The following LIX1 variants were observed in gnomAD, a reference collection of about 807,000 sequenced individuals.
LIX1 encodes limb and CNS expressed 1.
In LIX1, 24 loss-of-function variants were observed where a neutral mutation model predicts 33.4. That is an observed-to-expected ratio of 0.72 (90% CI 0.52 to 1.01). LIX1 has a LOEUF of 1.01. LIX1 is among the 50% of genes least tolerant of loss of function. The pLI, the probability that LIX1 is intolerant of heterozygous loss-of-function variation, is 0.00. For missense variants in LIX1, 311 were observed against 339.2 expected, an observed-to-expected ratio of 0.92 and a Z score of 0.65; for synonymous variants, 124 against 124.0, an observed-to-expected ratio of 1.00 and a Z score of 0.00.
intron 1 of LIX1, among the ~76,000 whole-genome samples, chr5:97,139,065 C>T (rs1748229601): frequency 6.6e-6 from 1 of 152,174 alleles, no homozygotes; most frequent in Non-Finnish European, 1.5e-5. Flanking sequence ...TTCTGAGAGG[C>T]AATGTCTCAT....
intron 5 of LIX1, among the ~76,000 whole-genome samples, chr5:97,095,996 A>C (rs1051768320): frequency 6.6e-6 from 1 of 152,244 alleles, no homozygotes; most frequent in Non-Finnish European, 1.5e-5. Flanking sequence ...TAAGCAAAGA[A>C]CAACTAAAAA....
chr5:97,141,518 A>G (rs942312866), intron 1 of LIX1, among the ~76,000 whole-genome samples: 2 of 152,246 alleles, frequency 1.3e-5, no homozygotes, highest in African/African-American at 4.8e-5. Flanking sequence ...TTCAACATAC[A>G]TATGAGAAAT....
chr5:97,115,717 T>A (rs1281999911), intron 2 of LIX1, among the ~76,000 whole-genome samples: 1 of 149,976 alleles, frequency 6.7e-6, no homozygotes, highest in Non-Finnish European at 1.5e-5. Context: ...CTCCCAATGG[T>A]AGCCAAGGAG....
chr5:97,134,842 G>A (rs1748138928), intron 1 of LIX1, among the ~76,000 whole-genome samples: 2 of 152,186 alleles, frequency 1.3e-5, no homozygotes, highest in East Asian at 1.9e-4. Flanking sequence ...CAACATGTAG[G>A]AATCTCGGGG....
intron 3 of LIX1, among the ~76,000 whole-genome samples, chr5:97,105,592 C>T (rs1179719958): frequency 6.6e-6 from 1 of 152,196 alleles, no homozygotes; most frequent in African/African-American, 2.4e-5. Flanking sequence ...AAACTGCCTT[C>T]GTTGGCTATT....
intron 2 of LIX1, among the ~76,000 whole-genome samples, chr5:97,122,319 G>T: frequency 6.6e-6 from 1 of 152,188 alleles, no homozygotes; most frequent in East Asian, 1.9e-4. Context: ...TTCACAGTAC[G>T]TTTCTCCTAT....
chr5:97,131,604 A>C (rs1051918805), intron 1 of LIX1, among the ~76,000 whole-genome samples: 34 of 152,232 alleles, frequency 2.2e-4, no homozygotes, highest in African/African-American at 8.0e-4. Context: ...AACTCACAGC[A>C]GACTGGGATT....
In LIX1 at chr5:97,094,845, A is replaced by G. The variant is rs1240754849; in HGVS notation, c.752T>C (p.Ile251Thr). ...ELRFYKEKKEILSLALTQICS... is the reference protein window; with the variant it reads ...ELRFYKEKKETLSLALTQICS... ...GATCTGAGTCAGGGCTAAGCTCAAT[A>G]TTTCTTTCTTTTCTTTGTAAAACCG... Residue 251 changes from isoleucine (I) to threonine (T), a missense_variant, in exon 6 of 6, where the codon ATA (isoleucine) becomes ACA (threonine). Ile to Thr is a moderately conservative substitution (Grantham distance 89). Transcript: ENST00000274382. The G allele has an allele frequency of 1.9e-6, 3 of 1,614,070 alleles. No homozygotes were observed. In the Admixed American group the frequency reaches 5.0e-5, roughly 27 times the overall value.
rs77019437 is a variant in LIX1, at chr5:97,101,210, G to T, written c.483+3980C>A. Among the ~76,000 whole-genome samples the T allele has an allele frequency of 5.4e-3, 825 of 152,216 alleles. 13 individuals carry two copies. Among genetic ancestry groups the T allele is most frequent in the African/African-American group, 0.018 (765 of 41,524 alleles). ...ATCGTGAATTTTTGGCATGAATTTT[G>T]AGTTTAAAAAATAATGCATTATAAT... On this transcript the variant is annotated intron_variant, in intron 4 of 5. Coordinates refer to ENST00000274382, the MANE Select transcript of LIX1 (RefSeq NM_153234.5).
At chr5:97,096,317 T>C (rs1746373423) in intron 5 of LIX1, among the ~76,000 whole-genome samples, 1 of 152,048 alleles carries the variant, frequency 6.6e-6, no homozygotes. Flanking sequence ...AAAATGGGAG[T>C]GATTAAATGC....
intron 4 of LIX1, among the ~76,000 whole-genome samples, chr5:97,097,393 G>A (rs1187837990): frequency 6.6e-6 from 1 of 152,186 alleles, no homozygotes; most frequent in Non-Finnish European, 1.5e-5. Context: ...AGAATTCTAT[G>A]ATGTGTTAAA....
rs769558664 is a variant in LIX1 at position 97,124,624 on chromosome 5, C to T, written c.88G>A (p.Val30Ile). The change falls in exon 2 of 6, where the codon GTT becomes ATT. Residue 30 changes from valine (V) to isoleucine (I), a missense_variant. Physicochemically the swap from Val to Ile is conservative, Grantham distance 29 (BLOSUM62 3). Coordinates refer to ENST00000274382, the MANE Select transcript of LIX1 (RefSeq NM_153234.5). The part of the protein sequence containing the change: ...DPALVFKDLN[V>I]VSMLQEFWES... Reference sequence around the variant, plus strand: ...CAAAATTCCTGTAACATTGACACAACGTTCACTGAAAAAGACAAGAAACAC... The same window carrying T: ...CAAAATTCCTGTAACATTGACACAATGTTCACTGAAAAAGACAAGAAACAC... The T allele has an allele frequency of 2.1e-5, 33 of 1,607,808 alleles. No homozygotes were observed. The Admixed American group carries it at 3.2e-4, about 16-fold the overall frequency.
At chr5:97,099,703 G>C (rs968009935) in intron 4 of LIX1, among the ~76,000 whole-genome samples, 5 of 152,074 alleles carry the variant, frequency 3.3e-5, no homozygotes, top group African/African-American at 1.2e-4. Flanking sequence ...CAGGTGTGGT[G>C]GTGGGTACCT....
At chr5:97,121,095 T>A (rs1196865863) in intron 2 of LIX1, among the ~76,000 whole-genome samples, 2 of 152,176 alleles carry the variant, frequency 1.3e-5, no homozygotes, top group Non-Finnish European at 2.9e-5. Context: ...AGTTTGCCAG[T>A]TTTTGTCCCA....
rs1056045507 is a variant in LIX1 at position 97,137,602 on chromosome 5, G to C, written c.82+4893C>G. ...AAAATTAGCATTTGAATAGGCTTCAGTCAAACAGACATCCATAGTTTAGAT... is the reference window on the plus strand; with the variant it reads ...AAAATTAGCATTTGAATAGGCTTCACTCAAACAGACATCCATAGTTTAGAT... On this transcript the variant is annotated intron_variant, in intron 1 of 5. Transcript: ENST00000274382. Among the ~76,000 whole-genome samples the C allele has an allele frequency of 1.4e-4, 21 of 152,260 alleles. 1 individual carries two copies. In the East Asian group the frequency reaches 3.5e-3, roughly 25 times the overall value.
At chr5:97,116,564 TCTC>T (rs1273736835) in intron 2 of LIX1, among the ~76,000 whole-genome samples, 1 of 152,162 alleles carries the variant, frequency 6.6e-6, no homozygotes, top group African/African-American at 2.4e-5. Context: ...CACCTGGCCT[TCTC>T]CTCGTTTACC....
In LIX1 at chr5:97,124,625, G is replaced by C; in HGVS notation, c.87C>G (p.Asn29Lys). 2 of 1,608,182 alleles carry C rather than the reference G, an allele frequency of 1.2e-6. No homozygotes were observed. The highest frequency in any genetic ancestry group is 1.7e-6 in the Non-Finnish European group (2 of 1,177,040). ...RDPALVFKDL[N>K]VVSMLQEFWE... is the part of the protein sequence containing the mutation. ...AAAATTCCTGTAACATTGACACAAC[G>C]TTCACTGAAAAAGACAAGAAACACC... Residue 29 changes from asparagine (N) to lysine (K), a missense_variant, in exon 2 of 6, where the codon AAC (asparagine) becomes AAG (lysine). Asn to Lys is a moderately conservative substitution (Grantham distance 94). Transcript: ENST00000274382.
intron 4 of LIX1, among the ~76,000 whole-genome samples, chr5:97,100,332 C>A (rs961730546): frequency 6.6e-6 from 1 of 152,162 alleles, no homozygotes; most frequent in African/African-American, 2.4e-5. Flanking sequence ...TCTATCCCAT[C>A]ACGAAGCAGC....
chr5:97,132,024 T>G (rs1437932396), intron 1 of LIX1, among the ~76,000 whole-genome samples: 7 of 152,228 alleles, frequency 4.6e-5, no homozygotes, highest in Middle Eastern at 3.2e-3. Flanking sequence ...ACAGGGATAA[T>G]AAGTCTGTTT....
Sources: allele counts gnomAD v4.1 joint callset (sites outside exome capture counted in the v4.1 genomes callset), GRCh38; gene constraint gnomAD v4.1.1; transcripts MANE v1.5; gene names NCBI Gene and HGNC (gene_info 2026-07-23, HGNC 2026-07-21).